Variants in TTC28 observed in about 807,000 individuals in gnomAD.
The protein encoded by TTC28 is tetratricopeptide repeat domain 28.
Under a neutral mutation model 198.0 loss-of-function variants are expected in TTC28, and 61 were observed. The observed-to-expected ratio is 0.31, with a 90% confidence interval of 0.25 to 0.38. TTC28 has a LOEUF of 0.38. Ranked by LOEUF, TTC28 falls within the 10% of genes least tolerant of loss-of-function variation. The probability of loss-of-function intolerance (pLI) is 1.00; values close to 1 mark genes in which losing one functional copy is unlikely to be tolerated. For missense variants in TTC28, 2,678 were observed against 3,164.0 expected (o/e 0.85, Z 3.69); for synonymous variants, 1,171 against 1,297.8 (o/e 0.90, Z 2.10).
chr22:28,256,814 G>A (rs1930959056), intron 5 of TTC28, among the ~76,000 whole-genome samples: 1 of 152,232 alleles, frequency 6.6e-6, no homozygotes, highest in Admixed American at 6.5e-5. Context: ...TGAAGTGGGA[G>A]CATTGCTTGA....
intron 17 of TTC28, 57 bp downstream of exon 17, chr22:27,996,078 C>G: frequency 6.6e-7 from 1 of 1,516,070 alleles, no homozygotes; most frequent in Non-Finnish European, 8.8e-7. Flanking sequence ...CCTTGCCTTC[C>G]CCTTCTCTCA....
chr22:28,583,203 T>C (rs2050256971), intron 2 of TTC28, among the ~76,000 whole-genome samples: 1 of 152,184 alleles, frequency 6.6e-6, no homozygotes, highest in Admixed American at 6.5e-5. Flanking sequence ...AAAATCATTT[T>C]TTAAAAAAAT....
intron 13 of TTC28, among the ~76,000 whole-genome samples, chr22:28,018,857 T>C (rs956334523): frequency 6.6e-6 from 1 of 152,198 alleles, no homozygotes; most frequent in African/African-American, 2.4e-5. Context: ...AGCCCCTCCC[T>C]GGTTGTATGG....
intron 5 of TTC28, among the ~76,000 whole-genome samples, chr22:28,167,450 G>C (rs1922129110): frequency 1.3e-5 from 2 of 152,204 alleles, no homozygotes; most frequent in African/African-American, 4.8e-5. Flanking sequence ...GAATCCAGCA[G>C]CATATCAAAA....
chr22:28,388,678 T>C (rs967436380), intron 2 of TTC28, among the ~76,000 whole-genome samples: 6 of 152,244 alleles, frequency 3.9e-5, no homozygotes, highest in African/African-American at 1.4e-4. Context: ...TTGTGACTTT[T>C]GTACATTGAT....
chr22:28,510,284 A>C (rs569614464), intron 2 of TTC28, among the ~76,000 whole-genome samples: 1 of 152,352 alleles, frequency 6.6e-6, no homozygotes, highest in Admixed American at 6.5e-5. Context: ...ATACTGGCAA[A>C]CCGAATCCAG....
intron 2 of TTC28, among the ~76,000 whole-genome samples, chr22:28,570,359 T>C (rs1369486879): frequency 6.6e-6 from 1 of 152,170 alleles, no homozygotes; most frequent in African/African-American, 2.4e-5. Context: ...CCATACACCA[T>C]GGTATACTAT....
At chr22:28,287,616 C>G (rs2044708478) in intron 5 of TTC28, among the ~76,000 whole-genome samples, 1 of 152,062 alleles carries the variant, frequency 6.6e-6, no homozygotes, top group Admixed American at 6.6e-5. Context: ...AGGGTAAAAG[C>G]AGAAGGCCAG....
At chr22:28,439,709 A>G (rs1205049732) in intron 2 of TTC28, among the ~76,000 whole-genome samples, 1 of 152,252 alleles carries the variant, frequency 6.6e-6, no homozygotes, top group Non-Finnish European at 1.5e-5. Flanking sequence ...AAGTGCTTTT[A>G]AAATTATAGC....
chr22:28,438,353 C>CAAAT (rs2047555961), intron 2 of TTC28, among the ~76,000 whole-genome samples: 1 of 152,158 alleles, frequency 6.6e-6, no homozygotes, highest in African/African-American at 2.4e-5. Flanking sequence ...TTCTAAGACA[C>CAAAT]AAATCTACAG....
intron 14 of TTC28, among the ~76,000 whole-genome samples, chr22:28,012,334 G>T (rs1938194885): frequency 6.6e-6 from 1 of 152,190 alleles, no homozygotes; most frequent in Non-Finnish European, 1.5e-5. Context: ...CCGAGCACGT[G>T]CAAGGACTGC....
chr22:28,480,655 G>A (rs1021935109), intron 2 of TTC28, among the ~76,000 whole-genome samples: 34 of 152,076 alleles, frequency 2.2e-4, no homozygotes, highest in African/African-American at 8.2e-4. Context: ...TGAGGTTCCA[G>A]AAGCTCAAGG....
At chr22:28,609,664 G>A (rs868741994) in intron 2 of TTC28, among the ~76,000 whole-genome samples, 29 of 151,994 alleles carry the variant, frequency 1.9e-4, no homozygotes, top group Non-Finnish European at 5.9e-5. Flanking sequence ...GACAGACACC[G>A]AGCTAGCTGC....
intron 2 of TTC28, among the ~76,000 whole-genome samples, chr22:28,585,263 T>C (rs1301383842): frequency 1.3e-5 from 2 of 152,200 alleles, no homozygotes; most frequent in Non-Finnish European, 2.9e-5. Context: ...TAAATAATTA[T>C]ACAACTCACC....
At chr22:28,564,470 G>A (rs2049939567) in intron 2 of TTC28, among the ~76,000 whole-genome samples, 1 of 151,748 alleles carries the variant, frequency 6.6e-6, no homozygotes, top group Non-Finnish European at 1.5e-5. Flanking sequence ...GTCCAATTTG[G>A]TTTTATTTCA....
intron 2 of TTC28, among the ~76,000 whole-genome samples, chr22:28,439,753 C>G (rs1443547054): frequency 6.6e-6 from 1 of 152,138 alleles, no homozygotes; most frequent in Non-Finnish European, 1.5e-5. Context: ...GCCATTCTTA[C>G]CATGACAAGG....
chr22:27,993,213 G>C, intron 18 of TTC28, 74 bp downstream of exon 18: 1 of 1,328,842 alleles, frequency 7.5e-7, no homozygotes, highest in Non-Finnish European at 1.0e-6. Flanking sequence ...TCATGAATGC[G>C]GGGCCCAAGG....
At chr22:28,011,171 A>T (rs937302792) in intron 14 of TTC28, among the ~76,000 whole-genome samples, 1 of 152,180 alleles carries the variant, frequency 6.6e-6, no homozygotes, top group Non-Finnish European at 1.5e-5. Context: ...ACTTTAAATC[A>T]TCTGTAGATT....
intron 2 of TTC28, among the ~76,000 whole-genome samples, chr22:28,599,346 A>G (rs558033353): frequency 6.6e-6 from 1 of 152,354 alleles, no homozygotes; most frequent in Non-Finnish European, 1.5e-5. Context: ...AGTTTTTAGA[A>G]TAAACTTTTT....
Sources: gnomAD v4.1 joint callset for allele counts (sites outside exome capture counted in the v4.1 genomes callset) on GRCh38, gnomAD v4.1.1 for gene constraint, MANE v1.5 for transcripts, NCBI Gene and HGNC (gene_info 2026-07-23, HGNC 2026-07-21) for gene names.